Variants in GNG12 observed in about 807,000 individuals in gnomAD.
The protein encoded by GNG12 is guanine nucleotide-binding protein G(I)/G(S)/G(O) subunit gamma-12.
For synonymous variants in GNG12, 28 were observed against 29.7 expected (o/e 0.94, Z 0.19); for missense variants, 69 against 83.8 (o/e 0.82, Z 0.69).
chr1:67,763,621 C>T (rs1646619386), intron 2 of GNG12, among the ~76,000 whole-genome samples: 1 of 151,768 alleles, frequency 6.6e-6, no homozygotes, highest in African/African-American at 2.4e-5. Flanking sequence ...CAGCCTCAAA[C>T]TCCTGGGCTC....
chr1:67,712,709 C>G (rs1204496878), intron 2 of GNG12, among the ~76,000 whole-genome samples: 1 of 151,980 alleles, frequency 6.6e-6, no homozygotes, highest in Non-Finnish European at 1.5e-5. Context: ...AAAAAGTTAA[C>G]CCAGTTCGTA....
intron 1 of GNG12, among the ~76,000 whole-genome samples, chr1:67,796,284 A>G (rs937300090): frequency 5.9e-5 from 9 of 152,192 alleles, no homozygotes; most frequent in South Asian, 2.1e-4. Context: ...CTCTTTTCAC[A>G]TTGCACATTC....
At chr1:67,779,810 C>A (rs1465719632) in intron 1 of GNG12, among the ~76,000 whole-genome samples, 3 of 152,164 alleles carry the variant, frequency 2.0e-5, no homozygotes, top group African/African-American at 7.2e-5. Context: ...GTAGGGTGTA[C>A]TTACACAAAC....
At chr1:67,778,081 T>C (rs1389030266) in intron 1 of GNG12, among the ~76,000 whole-genome samples, 1 of 149,036 alleles carries the variant, frequency 6.7e-6, no homozygotes, top group Non-Finnish European at 1.5e-5. Flanking sequence ...ATTAACAATA[T>C]ATAATTATGT....
intron 2 of GNG12, among the ~76,000 whole-genome samples, chr1:67,746,381 G>A (rs1646507415): frequency 6.6e-6 from 1 of 152,092 alleles, no homozygotes; most frequent in Non-Finnish European, 1.5e-5. Flanking sequence ...AGCTCGATGA[G>A]CACTTAAATT....
chr1:67,791,014 G>A (rs930808282), intron 1 of GNG12, among the ~76,000 whole-genome samples: 1 of 152,160 alleles, frequency 6.6e-6, no homozygotes, highest in Admixed American at 6.6e-5. Flanking sequence ...CACTCTGGAT[G>A]TACTTATTTA....
chr1:67,825,151 A>G (rs1310644555), intron 1 of GNG12, among the ~76,000 whole-genome samples: 1 of 152,234 alleles, frequency 6.6e-6, no homozygotes, highest in Non-Finnish European at 1.5e-5. Context: ...TAATCAAATC[A>G]TACTATAAAC....
rs577518154 is a variant in GNG12, at chr1:67,704,796, T to C, written c.*655A>G. ...AAGAGAGGAGAGATGATTGCATTAC[T>C]TGATTACAATGAATACAATCTTTAG... On this transcript the variant is annotated 3_prime_UTR_variant, in exon 4 of 4. Transcript: ENST00000370982. The C allele has an allele frequency of 4.6e-5, 7 of 152,758 alleles. No homozygotes were observed. The highest frequency in any genetic ancestry group is 3.9e-4 in the Admixed American group (6 of 15,300). The allele number at this position is 152,758 out of a possible 1,614,324, so 9.5% of individuals were successfully genotyped here.
At position 67,747,600 on chromosome 1, in the gene GNG12, C is replaced by T. The variant is rs1274706740; in HGVS notation, c.-27+29858G>A. ...ATGAAATTGGGCTATTTTAAAAAAG[C>T]TTTCACTTAATGAGAGTGAGGTGGG... is the stretch of plus-strand genomic sequence containing the variant. On this transcript the variant is annotated intron_variant, in intron 2 of 3. Transcript: ENST00000370982. Among the ~76,000 whole-genome samples the T allele has an allele frequency of 2.0e-5, 3 of 152,184 alleles. No homozygotes were observed. In the East Asian group the frequency reaches 5.8e-4, roughly 29 times the overall value.
At chr1:67,808,028 T>C (rs1033872225) in intron 1 of GNG12, among the ~76,000 whole-genome samples, 4 of 152,052 alleles carry the variant, frequency 2.6e-5, no homozygotes, top group African/African-American at 4.8e-5. Context: ...AGAGTATCTC[T>C]CATGAATGAA....
chr1:67,820,126 C>T (rs937575256), intron 1 of GNG12, among the ~76,000 whole-genome samples: 17 of 151,336 alleles, frequency 1.1e-4, no homozygotes, highest in African/African-American at 3.6e-4. Context: ...CAGCGGCTCA[C>T]GCCTGTAATC....
chr1:67,821,777 T>C (rs1159557757), intron 1 of GNG12, among the ~76,000 whole-genome samples: 1 of 151,860 alleles, frequency 6.6e-6, no homozygotes, highest in Non-Finnish European at 1.5e-5. Context: ...GCAGCTTTTT[T>C]TTTTTCTTAG....
chr1:67,820,626 G>A (rs1291115492), intron 1 of GNG12, among the ~76,000 whole-genome samples: 1 of 152,142 alleles, frequency 6.6e-6, no homozygotes, highest in East Asian at 1.9e-4. Flanking sequence ...GCAAAACGGT[G>A]CCATGAAAAG....
At chr1:67,826,424 G>T (rs1647011177) in intron 1 of GNG12, among the ~76,000 whole-genome samples, 2 of 152,220 alleles carry the variant, frequency 1.3e-5, no homozygotes, top group South Asian at 4.1e-4. Context: ...CTGTATAACA[G>T]TTCAAGGTAT....
intron 1 of GNG12, among the ~76,000 whole-genome samples, chr1:67,826,592 A>G (rs1204042197): frequency 6.6e-6 from 1 of 152,200 alleles, no homozygotes. Context: ...AGAAGATTTC[A>G]TTAGTCTAGG....
chr1:67,722,796 T>C (rs1367840087), intron 2 of GNG12, among the ~76,000 whole-genome samples: 1 of 152,136 alleles, frequency 6.6e-6, no homozygotes, highest in African/African-American at 2.4e-5. Flanking sequence ...TGGGAGACAG[T>C]GAAAGACAAA....
rs538109794 is a variant in GNG12 at position 67,708,032 on chromosome 1, C to A, written c.-26-320G>T. ...GAAACAAATACGCAAACACTTGTAG[C>A]ACTTAGGGGACCTGTGGCAAAAGTG... On this transcript the variant is annotated intron_variant, in intron 2 of 3. Coordinates refer to ENST00000370982, the MANE Select transcript of GNG12 (RefSeq NM_018841.6). Among the ~76,000 whole-genome samples, 13 of 152,332 alleles carry A rather than the reference C, an allele frequency of 8.5e-5. No individual in the cohort carries two copies. In the South Asian group the frequency reaches 2.1e-3, roughly 24 times the overall value.
At chr1:67,747,337 C>A (rs1646513239) in intron 2 of GNG12, among the ~76,000 whole-genome samples, 1 of 152,144 alleles carries the variant, frequency 6.6e-6, no homozygotes, top group Admixed American at 6.5e-5. Context: ...CCAGGCTGAT[C>A]TCGAACTCCT....
At chr1:67,784,910 T>C (rs930681567) in intron 1 of GNG12, among the ~76,000 whole-genome samples, 2 of 152,220 alleles carry the variant, frequency 1.3e-5, no homozygotes, top group Non-Finnish European at 2.9e-5. Context: ...CTGATCATCA[T>C]AGCAACCCTG....
Sources: gnomAD v4.1 joint callset for allele counts (sites outside exome capture counted in the v4.1 genomes callset) on GRCh38, gnomAD v4.1.1 for gene constraint, MANE v1.5 for transcripts, NCBI Gene and HGNC (gene_info 2026-07-23, HGNC 2026-07-21) for gene names.